Variants in KLHL8 observed in about 807,000 individuals in gnomAD.
KLHL8 encodes the protein kelch like family member 8.
Under a neutral mutation model 63.5 loss-of-function variants are expected in KLHL8, and 38 were observed. The ratio of observed to expected loss-of-function variants is 0.60; its 90% CI spans 0.46 to 0.78. KLHL8 has a LOEUF of 0.78. KLHL8 is among the 30% of genes least tolerant of loss of function. The pLI, the probability that KLHL8 is intolerant of heterozygous loss-of-function variation, is 0.00. For synonymous variants in KLHL8, 224 were observed against 254.3 expected (o/e 0.88, Z 1.13); for missense variants, 566 against 752.4 (o/e 0.75, Z 2.90).
At chr4:87,215,857 A>G (rs1045225613) in intron 1 of KLHL8, among the ~76,000 whole-genome samples, 3 of 152,256 alleles carry the variant, frequency 2.0e-5, no homozygotes, top group African/African-American at 7.2e-5. Flanking sequence ...CCATCTTTTC[A>G]AACTAGCAGT....
chr4:87,221,543 C>T (rs1732853417), upstream of KLHL8, among the ~76,000 whole-genome samples: 1 of 151,786 alleles, frequency 6.6e-6, no homozygotes, highest in Admixed American at 6.6e-5. Flanking sequence ...AAGATATTCC[C>T]CTAAATGTGT....
chr4:87,172,515 C>T (rs897377953), intron 6 of KLHL8, among the ~76,000 whole-genome samples: 4 of 152,164 alleles, frequency 2.6e-5, no homozygotes, highest in Non-Finnish European at 5.9e-5. Flanking sequence ...AATACAACCC[C>T]ATCACAAAAC....
chr4:87,201,334 A>C (rs1731911353), intron 1 of KLHL8, among the ~76,000 whole-genome samples: 2 of 152,370 alleles, frequency 1.3e-5, no homozygotes, highest in South Asian at 4.1e-4. Flanking sequence ...GACATAGTAT[A>C]GTCTAAATGT....
At chr4:87,167,615 G>A (rs1730452747) in intron 8 of KLHL8, 4 of 481,674 alleles carry the variant, frequency 8.3e-6, no homozygotes, top group Non-Finnish European at 1.7e-5. Flanking sequence ...AGCACCATGT[G>A]CTGCAGATGG....
intron 1 of KLHL8, among the ~76,000 whole-genome samples, chr4:87,240,034 A>G (rs1733300350): frequency 6.6e-6 from 1 of 152,154 alleles, no homozygotes. Context: ...CTGATATTCC[A>G]CATAAATGAA....
intron 1 of KLHL8, among the ~76,000 whole-genome samples, chr4:87,217,257 CAT>C (rs1732630713): frequency 6.7e-6 from 1 of 150,334 alleles, no homozygotes; most frequent in Non-Finnish European, 1.5e-5. Flanking sequence ...AAAAAAAAGA[CAT>C]AGTCAAGTGA....
chr4:87,162,187 G>C lies in KLHL8; in HGVS notation c.*1332C>G, dbSNP rs1478153875. 3 of 152,210 alleles carry C rather than the reference G, an allele frequency of 2.0e-5. No individual in the cohort carries two copies. Among genetic ancestry groups the C allele is most frequent in the African/African-American group, 7.2e-5 (3 of 41,528 alleles). The allele number at this position is 152,210 out of a possible 1,614,324, so 9.4% of individuals were successfully genotyped here. ...ACACAACTAACAAAAACTTAGGAAG[G>C]CCTGGAAGAGAGGTGCCAAACTGCA... On this transcript the variant is annotated 3_prime_UTR_variant, in exon 10 of 10. Coordinates refer to ENST00000273963, the MANE Select transcript of KLHL8 (RefSeq NM_020803.5).
chr4:87,228,195 C>T (rs1246505133), intron 1 of KLHL8, among the ~76,000 whole-genome samples: 1 of 152,146 alleles, frequency 6.6e-6, no homozygotes, highest in Non-Finnish European at 1.5e-5. Flanking sequence ...TTGGCTGATA[C>T]TGATTTGTAT....
chr4:87,205,245 A>G (rs1732075948), intron 1 of KLHL8, among the ~76,000 whole-genome samples: 2 of 152,150 alleles, frequency 1.3e-5, no homozygotes, highest in Admixed American at 1.3e-4. Flanking sequence ...AGTCTCTACA[A>G]CAGATTTTAA....
chr4:87,194,135 T>C (rs970515120), intron 2 of KLHL8, among the ~76,000 whole-genome samples: 1 of 152,166 alleles, frequency 6.6e-6, no homozygotes, highest in Non-Finnish European at 1.5e-5. Flanking sequence ...GGGGAACCTT[T>C]GGGAAATGAT....
intron 2 of KLHL8, among the ~76,000 whole-genome samples, chr4:87,192,833 A>G (rs1306703917): frequency 2.0e-5 from 3 of 152,196 alleles, no homozygotes; most frequent in African/African-American, 7.2e-5. Context: ...GGCAACTGAA[A>G]CAGAATGGTA....
Position 87,185,605 on chromosome 4 carries a change from G to C in KLHL8, c.411C>G (p.Val137=). The C allele has an allele frequency of 1.2e-6, 2 of 1,614,192 alleles. No individual in the cohort carries two copies. Among genetic ancestry groups the C allele is most frequent in the Non-Finnish European group, 1.7e-6 (2 of 1,180,028 alleles). Residue 137 remains valine (V), a synonymous_variant, in exon 3 of 10, where the codon GTC becomes GTG. Transcript: ENST00000273963. ...SSRLTLTVDN[V]QPLLYAACIL... is the part of the protein sequence containing the mutation. The stretch of plus-strand genomic sequence containing the variant: ...TACAGGCTGCATATAAGAGAGGCTG[G>C]ACATTGTCAACAGTCAAAGTGAGCC...
At chr4:87,224,238 C>A (rs567316780), upstream of KLHL8, among the ~76,000 whole-genome samples, 1 of 152,218 alleles carries the variant, frequency 6.6e-6, no homozygotes, top group East Asian at 1.9e-4. Context: ...GCATGAGCCA[C>A]CGCGCCGGCC....
intron 1 of KLHL8, among the ~76,000 whole-genome samples, chr4:87,238,170 A>G (rs768293532): frequency 1.3e-5 from 2 of 152,074 alleles, no homozygotes; most frequent in Non-Finnish European, 2.9e-5. Flanking sequence ...TCGTGATCTC[A>G]TGATCCACCC....
upstream of KLHL8, chr4:87,221,176 T>G (rs1332623565): frequency 2.0e-5 from 3 of 152,246 alleles, no homozygotes; most frequent in Non-Finnish European, 4.4e-5. Context: ...GGCGGGCGCA[T>G]CACGAGGTCA....
intron 1 of KLHL8, among the ~76,000 whole-genome samples, chr4:87,198,943 T>C (rs534260139): frequency 5.3e-5 from 8 of 152,190 alleles, no homozygotes; most frequent in African/African-American, 7.2e-5. Flanking sequence ...GTTGTTATCA[T>C]TGAGGGAAAC....
intron 1 of KLHL8, among the ~76,000 whole-genome samples, chr4:87,213,160 C>T (rs550561747): frequency 1.3e-5 from 2 of 152,262 alleles, no homozygotes; most frequent in African/African-American, 4.8e-5. Flanking sequence ...AACTGGGCCA[C>T]TTAGTTTATC....
Position 87,176,628 on chromosome 4 carries a change from C to T in KLHL8, c.1208+129G>A. 1.0e-5 allele frequency: 6 copies of T among 601,758 alleles called. No individual in the cohort carries two copies. The South Asian group carries it at 1.3e-4, about 13-fold the overall frequency. 37.3% of individuals were successfully genotyped at this position (601,758 alleles called of 1,614,324 possible). On this transcript the variant is annotated intron_variant, in intron 6 of 9. Coordinates refer to ENST00000273963, the MANE Select transcript of KLHL8 (RefSeq NM_020803.5). ...TTAACAAAGTATCACTTTGGACATG[C>T]TAACAAAATGTGTTTGAGAAGGTAT...
At position 87,236,864 on chromosome 4, in the gene KLHL8, A is replaced by G. The variant is rs192443072; in HGVS notation, n.57+3394T>C. Among the ~76,000 whole-genome samples, 12 of 151,696 alleles carry G rather than the reference A, an allele frequency of 7.9e-5. No individual in the cohort carries two copies. The East Asian group carries it at 2.2e-3, about 27-fold the overall frequency. On this transcript the variant is annotated intron_variant and non_coding_transcript_variant, in intron 1 of 1. Coordinates refer to the KLHL8 transcript ENST00000506274. ...TTTTTAGTAGAGACGGGGTTTCTCT[A>G]TGTTGGTCAGGCTGGTCTCGAACTC...
Sources: gnomAD v4.1 joint callset for allele counts (sites outside exome capture counted in the v4.1 genomes callset) on GRCh38, gnomAD v4.1.1 for gene constraint, MANE v1.5 for transcripts, NCBI Gene and HGNC (gene_info 2026-07-23, HGNC 2026-07-21) for gene names.